Variants in GDAP1 observed in about 807,000 individuals in gnomAD.
The protein encoded by GDAP1 is ganglioside-induced differentiation-associated protein 1.
GDAP1 carries 34 observed loss-of-function variants against 40.1 expected under a neutral mutation model. The observed-to-expected ratio is 0.85, with a 90% confidence interval of 0.64 to 1.13. The LOEUF is 1.13. Among genes scored for constraint, GDAP1 ranks in the 50% most tolerant of loss-of-function variants. The pLI, the probability that GDAP1 is intolerant of heterozygous loss-of-function variation, is 0.00. For synonymous variants in GDAP1, 170 were observed against 157.4 expected, an observed-to-expected ratio of 1.08 and a Z score of -0.60; for missense variants, 374 against 433.7, an observed-to-expected ratio of 0.86 and a Z score of 1.22.
intron 2 of GDAP1, among the ~76,000 whole-genome samples, chr8:74,411,699 T>C (rs1183397163): frequency 7.1e-6 from 1 of 140,036 alleles, no homozygotes; most frequent in Non-Finnish European, 1.5e-5. Context: ...CTGGGTAACA[T>C]AGTGAGATCG....
At chr8:74,462,294 T>A (rs186093700) in intron 2 of GDAP1, among the ~76,000 whole-genome samples, 14 of 152,300 alleles carry the variant, frequency 9.2e-5, no homozygotes, top group African/African-American at 3.4e-4. Flanking sequence ...AATAGAAAAC[T>A]AAGAAAATAG....
intron 2 of GDAP1, among the ~76,000 whole-genome samples, chr8:74,473,437 T>C (rs1806586397): frequency 6.6e-6 from 1 of 152,248 alleles, no homozygotes; most frequent in Non-Finnish European, 1.5e-5. Flanking sequence ...GGGATTTGCA[T>C]TTAAGCCTTT....
In GDAP1 at chr8:74,392,405, T is replaced by A. The variant is rs542729303; in HGVS notation, c.165+41084T>A. On this transcript the variant is annotated intron_variant, in intron 2 of 2. Transcript: ENST00000523640. ...AAACAAAGAAAACGAGAGAAGAATA[T>A]AAAACCTAAATGGACAATTTGTATG... 1.1e-3 allele frequency among the ~76,000 whole-genome samples: 172 copies of A among 152,284 alleles called. 1 individual carries two copies. In the Middle Eastern group the frequency reaches 0.014, roughly 12 times the overall value.
intron 2 of GDAP1, among the ~76,000 whole-genome samples, chr8:74,417,184 G>T (rs1253076760): frequency 1.3e-5 from 2 of 149,610 alleles, no homozygotes; most frequent in Non-Finnish European, 2.9e-5. Context: ...ATGCAGAAAA[G>T]AAATTGACAA....
chr8:74,471,401 T>C (rs1198309536), intron 2 of GDAP1, among the ~76,000 whole-genome samples: 1 of 152,012 alleles, frequency 6.6e-6, no homozygotes, highest in Non-Finnish European at 1.5e-5. Context: ...GATTATTTAT[T>C]TAATTTTTAC....
At chr8:74,439,946 A>G (rs1181669731) in intron 2 of GDAP1, among the ~76,000 whole-genome samples, 1 of 151,984 alleles carries the variant, frequency 6.6e-6, no homozygotes, top group Non-Finnish European at 1.5e-5. Context: ...AAGTGACATT[A>G]TTTATTTTTG....
chr8:74,471,307 G>A (rs114399172), intron 2 of GDAP1, among the ~76,000 whole-genome samples: 1,758 of 151,670 alleles, frequency 0.012, 25 homozygotes, highest in African/African-American at 0.04. Flanking sequence ...GTGTTTGCCC[G>A]CTTTTAAAAT....
intron 2 of GDAP1, among the ~76,000 whole-genome samples, chr8:74,424,110 G>A (rs573531311): frequency 1.4e-4 from 21 of 152,088 alleles, no homozygotes; most frequent in African/African-American, 4.8e-4. Flanking sequence ...ATATTATAGT[G>A]TTATATTAGC....
chr8:74,424,202 T>G (rs1805919154), intron 2 of GDAP1, among the ~76,000 whole-genome samples: 1 of 152,140 alleles, frequency 6.6e-6, no homozygotes, highest in Non-Finnish European at 1.5e-5. Flanking sequence ...AAATGATATA[T>G]AAATAATTGT....
At chr8:74,374,660 GA>G (rs1809821025) in intron 2 of GDAP1, among the ~76,000 whole-genome samples, 2 of 152,004 alleles carry the variant, frequency 1.3e-5, no homozygotes, top group South Asian at 4.1e-4. Context: ...AACACAAATA[GA>G]AGGGATGTCA....
At position 74,437,619 on chromosome 8, in the gene GDAP1, T is replaced by A. The variant is rs114548815; in HGVS notation, c.166-51059T>A. ...TAGTTCTGGTATGTTTTCATTCATA[T>A]ATCTATAAAATGGCAAAATATATAG... On this transcript the variant is annotated intron_variant, in intron 2 of 2. Coordinates refer to the GDAP1 transcript ENST00000523640. Among the ~76,000 whole-genome samples the A allele has an allele frequency of 9.1e-3, 1,393 of 152,288 alleles. 27 individuals carry two copies. The highest frequency in any genetic ancestry group is 0.032 in the African/African-American group (1,325 of 41,550).
At position 74,350,588 on chromosome 8, in the gene GDAP1, G is replaced by A. The variant is rs371957814; in HGVS notation, c.117+10G>A. On this transcript the variant is annotated intron_variant, in intron 1 of 5. Transcript: ENST00000220822. ...CTTCAGCTCTCAAAAGGTACAACAG[G>A]CCTTGGCGGCGGAGGGTGGCGCGGA... 25 of 1,508,842 alleles carry A rather than the reference G, an allele frequency of 1.7e-5. No homozygotes were observed. The highest frequency in any genetic ancestry group is 2.7e-5 in the African/African-American group (2 of 72,834). The allele number at this position is 1,508,842 out of a possible 1,614,324, so 93.5% of individuals were successfully genotyped here. A position where few individuals can be genotyped will look rare whatever the true frequency, so the allele number is the denominator to read the frequency against.
At chr8:74,442,754 T>A (rs1806178298) in intron 2 of GDAP1, among the ~76,000 whole-genome samples, 1 of 152,128 alleles carries the variant, frequency 6.6e-6, no homozygotes. Flanking sequence ...AAGGGCCCAA[T>A]GCTACTGGAG....
In GDAP1 at chr8:74,471,605, T is replaced by A. The variant is rs576966777; in HGVS notation, c.166-17073T>A. 5.3e-5 allele frequency among the ~76,000 whole-genome samples: 8 copies of A among 152,316 alleles called. No homozygotes were observed. In the South Asian group the frequency reaches 1.7e-3, roughly 32 times the overall value. On this transcript the variant is annotated intron_variant, in intron 2 of 2. Coordinates refer to the GDAP1 transcript ENST00000523640. ...TTATGAGTTTTAACATGTATCTACA[T>A]ATACTGGTGAGACCATTACCAAAAT...
intron 2 of GDAP1, among the ~76,000 whole-genome samples, chr8:74,386,793 A>G (rs982522863): frequency 4.6e-5 from 7 of 152,170 alleles, no homozygotes; most frequent in Admixed American, 2.0e-4. Flanking sequence ...CCATTTTCAC[A>G]ATATTGATTC....
chr8:74,451,093 T>G lies in GDAP1; in HGVS notation c.166-37585T>G, dbSNP rs1307383203. Among the ~76,000 whole-genome samples, 2 of 83,166 alleles carry G rather than the reference T, an allele frequency of 2.4e-5. 1 individual carries two copies. The highest frequency in any genetic ancestry group is 4.9e-5 in the Non-Finnish European group (2 of 41,132). 54.6% of individuals were successfully genotyped at this position (83,166 alleles called of 152,430 possible). On this transcript the variant is annotated intron_variant, in intron 2 of 2. Coordinates refer to the GDAP1 transcript ENST00000523640. ...TCCTTTTTGTCATACATTTTATATCTACATCTGTTACACACAAATCTTAAA... is the reference window on the plus strand; with the variant it reads ...TCCTTTTTGTCATACATTTTATATCGACATCTGTTACACACAAATCTTAAA...
chr8:74,481,715 C>A (rs1360620461), intron 2 of GDAP1, among the ~76,000 whole-genome samples: 1 of 152,170 alleles, frequency 6.6e-6, no homozygotes, highest in Non-Finnish European at 1.5e-5. Context: ...ATTGGCTCCT[C>A]AGTGTATTAT....
At chr8:74,483,126 T>G (rs10104370) in intron 2 of GDAP1, among the ~76,000 whole-genome samples, 85,321 of 151,952 alleles carry the variant, frequency 0.56, 25,730 homozygotes, top group African/African-American at 0.8. Flanking sequence ...CTAGTGCTCT[T>G]CTGGACACAC....
chr8:74,469,241 T>G (rs1806512673), intron 2 of GDAP1, among the ~76,000 whole-genome samples: 1 of 152,214 alleles, frequency 6.6e-6, no homozygotes, highest in East Asian at 1.9e-4. Context: ...CTCTAATGTC[T>G]TCTGAATTTT....
Sources: allele counts gnomAD v4.1 joint callset (sites outside exome capture counted in the v4.1 genomes callset), GRCh38; gene constraint gnomAD v4.1.1; transcripts MANE v1.5; gene names NCBI Gene and HGNC (gene_info 2026-07-23, HGNC 2026-07-21).